PNPLA2: variants seen among roughly 807,000 people sequenced by gnomAD.
The protein encoded by PNPLA2 is patatin-like phospholipase domain-containing protein 2.
PNPLA2 carries 28 observed loss-of-function variants against 39.7 expected under a neutral mutation model. That is an observed-to-expected ratio of 0.70 (90% CI 0.52 to 0.97). The LOEUF is 0.97. Among genes scored for constraint, PNPLA2 ranks in the 50% least tolerant of loss-of-function variants. PNPLA2 has a pLI of 0.00. For synonymous variants in PNPLA2, 392 were observed against 321.1 expected, an observed-to-expected ratio of 1.22 and a Z score of -2.36; for missense variants, 768 against 698.2, an observed-to-expected ratio of 1.10 and a Z score of -1.13.
chr11:823,495 C>T (rs1314757220), intron 5 of PNPLA2, 32 bp from the exon 6 acceptor site: 7 of 1,585,806 alleles, frequency 4.4e-6, no homozygotes, highest in South Asian at 1.1e-5. Flanking sequence ...ATCCCTGGCT[C>T]CCTCCGCTCC....
rs779172876 is a variant in PNPLA2, at chr11:821,841, C to G, written c.401C>G (p.Ser134Cys). The change falls in exon 3 of 10, where the codon TCC becomes TGC. Residue 134 changes from serine to cysteine, a missense_variant. By Grantham distance (112) the Ser-to-Cys change is moderately radical. Transcript: ENST00000336615. ...AATGTCATTATATCCCACTTCAACT[C>G]CAAGGACGAGCTCATCCAGGTGGGG... ...GENVIISHFN[S>C]KDELIQANVC... 1.9e-6 allele frequency: 3 copies of G among 1,613,916 alleles called. No individual in the cohort carries two copies. The highest frequency in any genetic ancestry group is 2.5e-6 in the Non-Finnish European group (3 of 1,179,982).
rs1297231434 is a variant in PNPLA2 at position 824,586 on chromosome 11, C to T, written c.1239C>T (p.Ala413=). 4 of 1,582,816 alleles carry T rather than the reference C, an allele frequency of 2.5e-6. No individual in the cohort carries two copies. The highest frequency in any genetic ancestry group is 2.7e-5 in the African/African-American group (2 of 74,556). ...QSLPSVPLSC[A]AYREALPGWM... The stretch of plus-strand genomic sequence containing the variant: ...TGCCGTCCGTGCCGCTGTCCTGCGC[C>T]GCCTACAGAGAGGCACTGCCCGGCT... The change falls in exon 10 of 10, where the codon GCC becomes GCT. Residue 413 remains alanine (A), a synonymous_variant. Transcript: ENST00000336615.
chr11:824,889 C>A lies in PNPLA2; in HGVS notation c.*27C>A. On this transcript the variant is annotated 3_prime_UTR_variant, in exon 10 of 10. Transcript: ENST00000336615. ...ACCCCGACCCTCTCGAGGAACCCTG[C>A]CTGAGACGCCTCCATTACCACTGCG... The A allele has an allele frequency of 6.7e-7, 1 of 1,493,712 alleles. No individual in the cohort carries two copies. Among genetic ancestry groups the A allele is most frequent in the Non-Finnish European group, 9.0e-7 (1 of 1,108,562 alleles). The allele number at this position is 1,493,712 out of a possible 1,614,324, so 92.5% of individuals were successfully genotyped here.
chr11:823,353 G>A (rs560612538), intron 5 of PNPLA2, among the ~76,000 whole-genome samples, 174 bp from the exon 6 acceptor site: 2 of 152,318 alleles, frequency 1.3e-5, no homozygotes, highest in African/African-American at 4.8e-5. Context: ...CACTGCGCCC[G>A]GCTTTCTGTC....
intron 6 of PNPLA2, 40 bp from the exon 7 acceptor site, chr11:823,654 G>T (rs776979629): frequency 1.2e-5 from 19 of 1,601,268 alleles, no homozygotes; most frequent in African/African-American, 6.7e-5. Flanking sequence ...GGCCGCGGCC[G>T]CGCTGATGAA....
rs1317336398 is a variant in PNPLA2, at chr11:821,648, A to C, written c.208A>C (p.Ile70Leu). The C allele has an allele frequency of 1.9e-6, 3 of 1,613,746 alleles. No individual in the cohort carries two copies. Among genetic ancestry groups the C allele is most frequent in the Middle Eastern group, 1.6e-4 (1 of 6,062 alleles). The change falls in exon 3 of 10, where the codon ATT becomes CTT. Residue 70 changes from isoleucine (I) to leucine (L), a missense_variant. Transcript: ENST00000336615. ...CCCAGGTGAGGCTGGTGCCAAGTTCATTGAGGTATCTAAAGAGGCCCGGAA... is the reference window on the plus strand; with the variant it reads ...CCCAGGTGAGGCTGGTGCCAAGTTCCTTGAGGTATCTAAAGAGGCCCGGAA... The part of the protein sequence containing the change: ...VCLGEAGAKF[I>L]EVSKEARKRF...
At position 819,990 on chromosome 11, in the gene PNPLA2, C is replaced by T. The variant is rs1230161038; in HGVS notation, c.187+85C>T. On this transcript the variant is annotated intron_variant, in intron 2 of 9. Coordinates refer to ENST00000336615, the MANE Select transcript of PNPLA2 (RefSeq NM_020376.4). ...GATGGTCTCCGTGAGCGGAGGGGCCCCGCGGCGAGTCGGTGGGTACCGTGG... is the reference window on the plus strand; with the variant it reads ...GATGGTCTCCGTGAGCGGAGGGGCCTCGCGGCGAGTCGGTGGGTACCGTGG... 5.5e-6 allele frequency: 6 copies of T among 1,089,188 alleles called. No individual in the cohort carries two copies. In the South Asian group the frequency reaches 1.2e-4, roughly 22 times the overall value. The allele number at this position is 1,089,188 out of a possible 1,614,324, so 67.5% of individuals were successfully genotyped here.
At position 823,823 on chromosome 11, in the gene PNPLA2, TCCTGGAGCACCTGCCCG is replaced by T. The variant is rs756238487; in HGVS notation, c.890_906del (p.Leu297ProfsTer4). On this transcript the variant is annotated frameshift_variant, in exon 7 of 10. Coordinates refer to ENST00000336615, the MANE Select transcript of PNPLA2 (RefSeq NM_020376.4). LOFTEE classifies it high-confidence loss of function. ...TCGCAGCTGCCCGGAGAAGATCACA[TCCTGGAGCACCTGCCCG>T]CCCGGCTCAATGAGGGTGCGCACCT... is the stretch of plus-strand genomic sequence containing the variant. The T allele has an allele frequency of 2.5e-6, 4 of 1,577,372 alleles. No individual in the cohort carries two copies. Among genetic ancestry groups the T allele is most frequent in the Non-Finnish European group, 3.4e-6 (4 of 1,160,890 alleles).
intron 5 of PNPLA2, among the ~76,000 whole-genome samples, chr11:822,892 TC>T (rs1845717577): frequency 6.6e-6 from 1 of 150,586 alleles, no homozygotes; most frequent in African/African-American, 2.4e-5. Flanking sequence ...TGGCAGGATC[TC>T]AGCTCACTGC....
chr11:822,814 C>CAG (rs1424374708), intron 5 of PNPLA2, among the ~76,000 whole-genome samples: 1 of 112,906 alleles, frequency 8.9e-6, no homozygotes, highest in Non-Finnish European at 2.2e-5. Context: ...TGTCCAGTCT[C>CAG]TCTCTCTTTT....
chr11:824,289 AACGCG>A lies in PNPLA2; in HGVS notation c.1053-24_1053-20del. On this transcript the variant is annotated intron_variant, in intron 8 of 9. Transcript: ENST00000336615. Reference sequence around the variant, plus strand: ...GCATGTGGGTCTGGCCAAGTCCCTGAACGCGCCGCTCGCCCTGTCCCCAGCTTGCT... The same window carrying A: ...GCATGTGGGTCTGGCCAAGTCCCTGACCGCTCGCCCTGTCCCCAGCTTGCT... 6.5e-7 allele frequency: 1 copy of A among 1,549,874 alleles called. No homozygotes were observed. The highest frequency in any genetic ancestry group is 8.7e-7 in the Non-Finnish European group (1 of 1,147,410).
At position 824,325 on chromosome 11, in the gene PNPLA2, G is replaced by A; in HGVS notation, c.1064G>A (p.Trp355Ter). ...ALSFTIRLLEWLPDVPEDIRW... is the reference protein window; with the variant it reads ...ALSFTIRLLE Reference sequence around the variant, plus strand: ...CGCCCTGTCCCCAGCTTGCTGGAGTGGCTGCCCGACGTTCCCGAGGACATC... The same window carrying A: ...CGCCCTGTCCCCAGCTTGCTGGAGTAGCTGCCCGACGTTCCCGAGGACATC... The change falls in exon 9 of 10, where the codon TGG becomes TAG. Residue 355 changes from tryptophan to a stop codon, truncating the protein, a stop_gained. Coordinates refer to ENST00000336615, the MANE Select transcript of PNPLA2 (RefSeq NM_020376.4). LOFTEE classifies it high-confidence loss of function. 6.4e-7 allele frequency: 1 copy of A among 1,551,320 alleles called. No individual in the cohort carries two copies. Among genetic ancestry groups the A allele is most frequent in the Non-Finnish European group, 8.7e-7 (1 of 1,147,716 alleles).
rs56152088 is a variant in PNPLA2 at position 823,729 on chromosome 11, C to T, written c.793C>T (p.Pro265Ser). The T allele has an allele frequency of 0.023, 34,272 of 1,469,646 alleles. 438 individuals carry two copies. The highest frequency in any genetic ancestry group is 0.028 in the Non-Finnish European group (29,690 of 1,064,242). 91.0% of individuals were successfully genotyped at this position (1,469,646 alleles called of 1,614,324 possible). ...LNRPNPLLALPPARPHGPEDK... is the reference protein window; with the variant it reads ...LNRPNPLLALSPARPHGPEDK... ...CCGGCCCAACCCCTTGCTGGCGTTGCCCCCCGCCCGCCCCCACGGCCCAGA... is the reference window on the plus strand; with the variant it reads ...CCGGCCCAACCCCTTGCTGGCGTTGTCCCCCGCCCGCCCCCACGGCCCAGA... Residue 265 changes from proline (P) to serine (S), a missense_variant, in exon 7 of 10, where the codon CCC (proline) becomes TCC (serine). Coordinates refer to ENST00000336615, the MANE Select transcript of PNPLA2 (RefSeq NM_020376.4).
At position 823,770 on chromosome 11, in the gene PNPLA2, A is replaced by C; in HGVS notation, c.834A>C (p.Ala278=). The C allele has an allele frequency of 7.2e-7, 1 of 1,392,612 alleles. No homozygotes were observed. The highest frequency in any genetic ancestry group is 1.1e-5 in the South Asian group (1 of 87,428). The allele number at this position is 1,392,612 out of a possible 1,614,324, so 86.3% of individuals were successfully genotyped here. A position where few individuals can be genotyped will look rare whatever the true frequency, so the allele number is the denominator to read the frequency against. The change falls in exon 7 of 10, where the codon GCA becomes GCC. Residue 278 remains alanine, a synonymous_variant. Coordinates refer to ENST00000336615, the MANE Select transcript of PNPLA2 (RefSeq NM_020376.4). ...ACGGCCCAGAGGACAAGGACCAGGC[A>C]GTGGAGAGCGCCCAAGCGGAGGATT... is the stretch of plus-strand genomic sequence containing the variant. ...RPHGPEDKDQ[A]VESAQAEDYS...
chr11:824,151 GGA>G, intron 8 of PNPLA2, 21 bp downstream of exon 8: 1 of 1,584,042 alleles, frequency 6.3e-7, no homozygotes, highest in Non-Finnish European at 8.6e-7. Flanking sequence ...TGGGGGGTCG[GGA>G]GAGGGGCCCA....
intron 2 of PNPLA2, 198 bp from the exon 3 acceptor site, chr11:821,430 C>T (rs1169814995): frequency 3.2e-6 from 2 of 621,558 alleles, no homozygotes; most frequent in African/African-American, 3.7e-5. Context: ...AGGGCAGGTC[C>T]TGGTCTCAGC....
At chr11:820,014 G>A (rs1845615809) in intron 2 of PNPLA2, 109 bp downstream of exon 2, 1 of 849,316 alleles carries the variant, frequency 1.2e-6, no homozygotes, top group Non-Finnish European at 1.6e-6. Context: ...TGGGTACCGT[G>A]GGGAGGGTTC....
rs1445465262 is a variant in PNPLA2, at chr11:819,670, C to G, written c.-49C>G. The G allele has an allele frequency of 6.9e-6, 10 of 1,449,438 alleles. No homozygotes were observed. Among genetic ancestry groups the G allele is most frequent in the Non-Finnish European group, 9.1e-6 (10 of 1,098,444 alleles). The allele number at this position is 1,449,438 out of a possible 1,614,324, so 89.8% of individuals were successfully genotyped here. A position where few individuals can be genotyped will look rare whatever the true frequency, so the allele number is the denominator to read the frequency against. ...GAGCGAGCGGCGAGCAGGCGGCTCACAGAGGCCTGGCCGCCCACGGAACCC... is the reference window on the plus strand; with the variant it reads ...GAGCGAGCGGCGAGCAGGCGGCTCAGAGAGGCCTGGCCGCCCACGGAACCC... On this transcript the variant is annotated 5_prime_UTR_variant, in exon 2 of 10. Transcript: ENST00000336615.
chr11:824,274 C>A, intron 8 of PNPLA2, 40 bp from the exon 9 acceptor site: 1 of 1,549,424 alleles, frequency 6.5e-7, no homozygotes, highest in South Asian at 1.2e-5. Context: ...GCATGTGGGT[C>A]TGGCCAAGTC....
Sources: allele counts gnomAD v4.1 joint callset (sites outside exome capture counted in the v4.1 genomes callset), GRCh38; gene constraint gnomAD v4.1.1; transcripts MANE v1.5; gene names NCBI Gene and HGNC (gene_info 2026-07-23, HGNC 2026-07-21).